VPS13A: variants seen among roughly 807,000 people sequenced by gnomAD.
VPS13A encodes intermembrane lipid transfer protein VPS13A.
Under a neutral mutation model 390.9 loss-of-function variants are expected in VPS13A, and 264 were observed. The observed-to-expected ratio is 0.68, with a 90% CI of 0.61 to 0.75. The LOEUF is 0.75. VPS13A is among the 30% of genes least tolerant of loss of function. The pLI is 0.00. For missense variants in VPS13A, 3,409 were observed against 3,733.9 expected (o/e 0.91, Z 2.27); for synonymous variants, 1,231 against 1,227.1 (o/e 1.00, Z -0.07).
At chr9:77,401,079 G>T (rs1834369907) in intron 68 of VPS13A, among the ~76,000 whole-genome samples, 1 of 152,012 alleles carries the variant, frequency 6.6e-6, no homozygotes, top group Non-Finnish European at 1.5e-5. Flanking sequence ...ATGCATAGTG[G>T]TCAGTTTCTG....
At chr9:77,247,102 AT>A (rs1422530551) in intron 19 of VPS13A, among the ~76,000 whole-genome samples, 156 bp from the exon 20 acceptor site, 4 of 152,092 alleles carry the variant, frequency 2.6e-5, no homozygotes, top group Non-Finnish European at 5.9e-5. Context: ...ATTGGCAGGT[AT>A]TTTAAATTTT....
In VPS13A at chr9:77,305,592, A is replaced by T. The variant is rs117143021; in HGVS notation, c.3961-2353A>T. On this transcript the variant is annotated intron_variant, in intron 34 of 71. Transcript: ENST00000360280. Reference sequence around the variant, plus strand: ...TACAGAATGTCCTGGTGATGCTGCCAACAATCTGCAAGTGCCCAGCTGCCT... The same window carrying T: ...TACAGAATGTCCTGGTGATGCTGCCTACAATCTGCAAGTGCCCAGCTGCCT... 2.1e-4 allele frequency: 43 copies of T among 205,238 alleles called. No homozygotes were observed. The East Asian group carries it at 5.8e-3, about 28-fold the overall frequency. The allele number at this position is 205,238 out of a possible 1,614,324, so 12.7% of individuals were successfully genotyped here.
chr9:77,383,425 C>T (rs12349390), intron 68 of VPS13A, among the ~76,000 whole-genome samples: 49,347 of 151,756 alleles, frequency 0.33, 8,292 homozygotes, highest in African/African-American at 0.39. Context: ...AGAAGTCACC[C>T]ATGGCTGATA....
At chr9:77,408,426 G>T (rs548856830) in intron 71 of VPS13A, among the ~76,000 whole-genome samples, 4 of 152,240 alleles carry the variant, frequency 2.6e-5, no homozygotes, top group Non-Finnish European at 5.9e-5. Flanking sequence ...TGTCACTGGG[G>T]AGTGTCGGAA....
chr9:77,302,466 A>G (rs940971010), intron 33 of VPS13A, among the ~76,000 whole-genome samples: 3 of 134,164 alleles, frequency 2.2e-5, no homozygotes, highest in Non-Finnish European at 4.6e-5. Context: ...TCCACCTCCC[A>G]GGTTCAAGCA....
intron 68 of VPS13A, among the ~76,000 whole-genome samples, chr9:77,402,651 T>C (rs1442006155): frequency 6.6e-6 from 1 of 152,172 alleles, no homozygotes; most frequent in Non-Finnish European, 1.5e-5. Flanking sequence ...CAATTGTTAA[T>C]AAACAGTGTC....
At chr9:77,331,858 A>G (rs1830292413) in intron 45 of VPS13A, 152 bp from the exon 46 acceptor site, 1 of 581,190 alleles carries the variant, frequency 1.7e-6, no homozygotes, top group Non-Finnish European at 3.1e-6. Flanking sequence ...TTTAGGATAA[A>G]TAATATGTTT....
rs577030053 is a variant in VPS13A, at chr9:77,419,645, G to A, written c.*3639G>A. 7.2e-5 allele frequency: 11 copies of A among 152,252 alleles called. No individual in the cohort carries two copies. Among genetic ancestry groups the A allele is most frequent in the African/African-American group, 2.6e-4 (11 of 41,554 alleles). 9.4% of individuals were successfully genotyped at this position (152,252 alleles called of 1,614,324 possible). A position where few individuals can be genotyped will look rare whatever the true frequency, so the allele number is the denominator to read the frequency against. ...ATCGGGCAACCTCACATGATTCAGTGGGACCAGAAAAAGCATAGAAAAATT... is the reference window on the plus strand; with the variant it reads ...ATCGGGCAACCTCACATGATTCAGTAGGACCAGAAAAAGCATAGAAAAATT... On this transcript the variant is annotated 3_prime_UTR_variant, in exon 72 of 72. Coordinates refer to ENST00000360280, the MANE Select transcript of VPS13A (RefSeq NM_033305.3).
intron 19 of VPS13A, among the ~76,000 whole-genome samples, chr9:77,243,835 C>G (rs1037838454): frequency 6.6e-6 from 1 of 152,012 alleles, no homozygotes; most frequent in South Asian, 2.1e-4. Flanking sequence ...CTGTATGGGT[C>G]CAATCAGGAA....
At chr9:77,316,453 G>A (rs1829393950) in intron 39 of VPS13A, 47 bp downstream of exon 39, 1 of 1,539,744 alleles carries the variant, frequency 6.5e-7, no homozygotes, top group African/African-American at 1.4e-5. Context: ...TATTTTGGAT[G>A]TAGTGTATAC....
At chr9:77,253,386 A>G (rs1381277543) in intron 22 of VPS13A, among the ~76,000 whole-genome samples, 2 of 151,668 alleles carry the variant, frequency 1.3e-5, no homozygotes, top group South Asian at 2.1e-4. Flanking sequence ...GCTCACTGCT[A>G]CCTCCACCTC....
At chr9:77,317,523 A>C (rs967356057) in intron 39 of VPS13A, 83 bp from the exon 40 acceptor site, 2 of 1,018,004 alleles carry the variant, frequency 2.0e-6, no homozygotes, top group African/African-American at 3.3e-5. Flanking sequence ...TTTATTTGAC[A>C]TACCTATTAC....
At chr9:77,364,430 A>C (rs569994778) in intron 59 of VPS13A, among the ~76,000 whole-genome samples, 173 of 152,210 alleles carry the variant, frequency 1.1e-3, no homozygotes, top group Non-Finnish European at 2.0e-3. Context: ...CGTCTCGAAA[A>C]AAACAAACAA....
chr9:77,263,187 A>G (rs970364238), intron 23 of VPS13A, among the ~76,000 whole-genome samples: 11 of 151,508 alleles, frequency 7.3e-5, no homozygotes, highest in Non-Finnish European at 1.6e-4. Flanking sequence ...GCTCACTGCA[A>G]GCTCCACCTC....
At chr9:77,297,651 T>G (rs1828095747) in intron 33 of VPS13A, among the ~76,000 whole-genome samples, 1 of 151,628 alleles carries the variant, frequency 6.6e-6, no homozygotes, top group South Asian at 2.1e-4. Context: ...GAAGGAGAAA[T>G]TTCTGTCACT....
intron 46 of VPS13A, among the ~76,000 whole-genome samples, chr9:77,336,145 T>G (rs1438973181): frequency 6.6e-6 from 1 of 151,322 alleles, no homozygotes; most frequent in South Asian, 2.1e-4. Context: ...TAAGTGGGAG[T>G]TGAACAAGGA....
chr9:77,411,786 T>C (rs12006497), intron 71 of VPS13A, among the ~76,000 whole-genome samples: 74 of 149,862 alleles, frequency 4.9e-4, no homozygotes, highest in African/African-American at 1.6e-3. Flanking sequence ...AAAAAACCCT[T>C]CAAAAAATGA....
rs145216870 is a variant in VPS13A, at chr9:77,270,008, C to T, written c.2428-3272C>T. Among the ~76,000 whole-genome samples, 633 of 152,258 alleles carry T rather than the reference C, an allele frequency of 4.2e-3. 7 individuals carry two copies. The highest frequency in any genetic ancestry group is 0.014 in the African/African-American group (594 of 41,538). On this transcript the variant is annotated intron_variant, in intron 23 of 71. Coordinates refer to ENST00000360280, the MANE Select transcript of VPS13A (RefSeq NM_033305.3). ...AGAAAGGAGGTCATCTGCAAGTTAA[C>T]GATAGAGGTGGCCTCCAGAACTGTG...
chr9:77,201,554 G>A, intron 3 of VPS13A, 147 bp downstream of exon 3: 1 of 778,538 alleles, frequency 1.3e-6, no homozygotes, highest in South Asian at 1.5e-5. Context: ...GAGCTTTGTT[G>A]TGCAACTTAA....
Sources: gnomAD v4.1 joint callset for allele counts (sites outside exome capture counted in the v4.1 genomes callset) on GRCh38, gnomAD v4.1.1 for gene constraint, MANE v1.5 for transcripts, NCBI Gene and HGNC (gene_info 2026-07-23, HGNC 2026-07-21) for gene names.